Variants in MGAT4A observed in about 807,000 individuals in gnomAD.
MGAT4A encodes the protein N-acetylglucosaminyltransferase IVa.
MGAT4A carries 33 observed loss-of-function variants against 74.1 expected under a neutral mutation model. The ratio of observed to expected loss-of-function variants is 0.45; its 90% CI spans 0.34 to 0.60. The LOEUF is 0.60. Among genes scored for constraint, MGAT4A ranks in the 20% least tolerant of loss-of-function variants. MGAT4A has a pLI of 0.02. For synonymous variants in MGAT4A, 198 were observed against 210.4 expected (o/e 0.94, Z 0.51); for missense variants, 479 against 628.3 (o/e 0.76, Z 2.54).
chr2:98,661,217 A>G (rs1701744629), intron 5 of MGAT4A, among the ~76,000 whole-genome samples: 1 of 152,200 alleles, frequency 6.6e-6, no homozygotes. Context: ...AGATATCATC[A>G]CATCTGTCAG....
At position 98,726,129 on chromosome 2, in the gene MGAT4A, T is replaced by C. The variant is rs534570418; in HGVS notation, c.94+110A>G. On this transcript the variant is annotated intron_variant, in intron 2 of 15. Coordinates refer to ENST00000393487, the MANE Select transcript of MGAT4A (RefSeq NM_012214.3). ...ATATCAGAAAGAAACTGCCAGCAGA[T>C]AGCATGTAACATGCAGATTGCCAGG... 102 of 646,322 alleles carry C rather than the reference T, an allele frequency of 1.6e-4. 2 individuals are homozygous for C. In the South Asian group the frequency reaches 2.3e-3, roughly 14 times the overall value. 40.0% of individuals were successfully genotyped at this position (646,322 alleles called of 1,614,324 possible).
chr2:98,665,621 A>G (rs1553537568), intron 4 of MGAT4A, among the ~76,000 whole-genome samples: 3 of 152,258 alleles, frequency 2.0e-5, no homozygotes, highest in African/African-American at 2.4e-5. Context: ...ACAATGGTAA[A>G]TAACATAGGT....
intron 2 of MGAT4A, among the ~76,000 whole-genome samples, chr2:98,704,535 G>C (rs1157001900): frequency 6.6e-6 from 1 of 152,144 alleles, no homozygotes; most frequent in Non-Finnish European, 1.5e-5. Flanking sequence ...TTGAGCTCAG[G>C]AGCCCGAGGC....
At chr2:98,722,112 T>TA (rs1302157735) in intron 2 of MGAT4A, among the ~76,000 whole-genome samples, 4 of 152,138 alleles carry the variant, frequency 2.6e-5, no homozygotes, top group Non-Finnish European at 4.4e-5. Context: ...TTAAACATAA[T>TA]AGAGTTATGA....
chr2:98,717,289 G>GA (rs1191422662), intron 2 of MGAT4A, among the ~76,000 whole-genome samples: 1 of 151,814 alleles, frequency 6.6e-6, no homozygotes, highest in African/African-American at 2.4e-5. Flanking sequence ...CGAGATAGGA[G>GA]AATCGCTTGA....
At chr2:98,710,752 G>A (rs1187954557) in intron 2 of MGAT4A, among the ~76,000 whole-genome samples, 1 of 152,164 alleles carries the variant, frequency 6.6e-6, no homozygotes, top group East Asian at 1.9e-4. Context: ...GTGAGCTACT[G>A]TGCCCAGTAA....
intron 8 of MGAT4A, among the ~76,000 whole-genome samples, chr2:98,655,036 T>C (rs1701638024): frequency 6.6e-6 from 1 of 152,080 alleles, no homozygotes; most frequent in South Asian, 2.1e-4. Context: ...TTCAAAATAG[T>C]GGTAACAGTA....
chr2:98,668,577 G>T (rs1189120529), intron 4 of MGAT4A, among the ~76,000 whole-genome samples: 1 of 152,154 alleles, frequency 6.6e-6, no homozygotes, highest in African/African-American at 2.4e-5. Flanking sequence ...TGGGGTCAGA[G>T]CCCCCCCAGC....
rs1211331685 is a variant in MGAT4A at position 98,652,889 on chromosome 2, T to A, written c.774+2556A>T. Among the ~76,000 whole-genome samples the A allele has an allele frequency of 3.3e-5, 5 of 152,074 alleles. 1 individual carries two copies. The highest frequency in any genetic ancestry group is 1.2e-4 in the African/African-American group (5 of 41,408). The stretch of plus-strand genomic sequence containing the variant: ...ACCTGCCCACCTCAGCCTCCCAAAG[T>A]GTTGGGATTACAGGTGTGAGCCAGT... On this transcript the variant is annotated intron_variant, in intron 8 of 15. Transcript: ENST00000393487.
At chr2:98,685,695 A>G (rs1204570127) in intron 2 of MGAT4A, among the ~76,000 whole-genome samples, 1 of 152,202 alleles carries the variant, frequency 6.6e-6, no homozygotes, top group East Asian at 1.9e-4. Context: ...TACAAACGAG[A>G]CCAAGTATCT....
At chr2:98,656,313 A>G in intron 7 of MGAT4A, 39 bp downstream of exon 7, 2 of 1,285,938 alleles carry the variant, frequency 1.6e-6, no homozygotes. Flanking sequence ...AAATATTTAC[A>G]CTCACAAGTG....
intron 4 of MGAT4A, among the ~76,000 whole-genome samples, chr2:98,667,120 A>C (rs56049047): frequency 2.6e-5 from 4 of 151,968 alleles, no homozygotes; most frequent in South Asian, 2.1e-4. Context: ...TGCCATCCAC[A>C]TAAGATGTGA....
chr2:98,718,048 G>A (rs531763159), intron 2 of MGAT4A, among the ~76,000 whole-genome samples: 8 of 152,234 alleles, frequency 5.3e-5, no homozygotes, highest in Non-Finnish European at 7.4e-5. Context: ...AAAATGCTTC[G>A]TCTGGTGTTT....
chr2:98,625,459 T>A lies in MGAT4A; in HGVS notation c.*107A>T. The A allele has an allele frequency of 6.5e-7, 1 of 1,542,766 alleles. No homozygotes were observed. The stretch of plus-strand genomic sequence containing the variant: ...GAAATGACAATCGTCTTATCTACAG[T>A]AGACTTCACAAGAGGTAGTGTTCAA... On this transcript the variant is annotated 3_prime_UTR_variant, in exon 16 of 16. Coordinates refer to ENST00000393487, the MANE Select transcript of MGAT4A (RefSeq NM_012214.3).
At chr2:98,663,969 A>T (rs182682918) in intron 4 of MGAT4A, among the ~76,000 whole-genome samples, 33 of 152,222 alleles carry the variant, frequency 2.2e-4, no homozygotes, top group Non-Finnish European at 4.0e-4. Flanking sequence ...GCACTTTGGG[A>T]GGTACAGGTG....
rs116100519 is a variant in MGAT4A at position 98,659,510 on chromosome 2, C to T, written c.538-1246G>A. Among the ~76,000 whole-genome samples, 793 of 152,210 alleles carry T rather than the reference C, an allele frequency of 5.2e-3. 10 individuals carry two copies. The highest frequency in any genetic ancestry group is 0.018 in the African/African-American group (752 of 41,512). The stretch of plus-strand genomic sequence containing the variant: ...CCTATTGATATGGTTTGGCGTGTCC[C>T]CACCCAAGTCTCATCTCGAATTGTA... On this transcript the variant is annotated intron_variant, in intron 5 of 15. Coordinates refer to ENST00000393487, the MANE Select transcript of MGAT4A (RefSeq NM_012214.3).
chr2:98,677,968 C>T (rs1013387550), intron 3 of MGAT4A, among the ~76,000 whole-genome samples: 11 of 151,404 alleles, frequency 7.3e-5, no homozygotes, highest in Non-Finnish European at 1.0e-4. Flanking sequence ...CAGTGGCTCA[C>T]GCCTGTAATC....
In MGAT4A at chr2:98,678,318, A is replaced by G. The variant is rs561253988; in HGVS notation, c.248T>C (p.Leu83Ser). The G allele has an allele frequency of 1.4e-6, 2 of 1,406,614 alleles. No homozygotes were observed. The highest frequency in any genetic ancestry group is 1.9e-6 in the Non-Finnish European group (2 of 1,068,116). The allele number at this position is 1,406,614 out of a possible 1,614,324, so 87.1% of individuals were successfully genotyped here. The change falls in exon 3 of 16, where the codon TTG (leucine) becomes TCG (serine). Residue 83 changes from leucine (L) to serine (S), a missense_variant. Around this residue, in one of 3 missense-constraint regions of MGAT4A, gnomAD observed 205 missense variants for 232.7 expected, o/e 0.88. Coordinates refer to ENST00000393487, the MANE Select transcript of MGAT4A (RefSeq NM_012214.3). ...ACTGTTTGTACCTGAAAACTTATTC[A>G]ACGCATCCTTACTTCCATTTGTTTC... ...GAETNGSKDALNKFSDNTLKL... is the reference protein window; with the variant it reads ...GAETNGSKDASNKFSDNTLKL...
Position 98,726,574 on chromosome 2 carries a change from A to G in MGAT4A, c.-235-7T>C. The stretch of plus-strand genomic sequence containing the variant: ...GCCTCGGCCTTTTCCCTTCCTATTC[A>G]GGGGAAAAGAGAAAGTCAAGCTCAT... On this transcript the variant is annotated splice_polypyrimidine_tract_variant and splice_region_variant and intron_variant, in intron 1 of 15. Transcript: ENST00000393487. The G allele has an allele frequency of 2.4e-6, 1 of 411,214 alleles. No homozygotes were observed. The highest frequency in any genetic ancestry group is 4.3e-6 in the Non-Finnish European group (1 of 233,066). The allele number at this position is 411,214 out of a possible 1,614,324, so 25.5% of individuals were successfully genotyped here. A position where few individuals can be genotyped will look rare whatever the true frequency, so the allele number is the denominator to read the frequency against.
Sources: allele counts gnomAD v4.1 joint callset (sites outside exome capture counted in the v4.1 genomes callset), GRCh38; gene constraint gnomAD v4.1.1; regional missense constraint gnomAD v4.1.1; transcripts MANE v1.5; gene names NCBI Gene and HGNC (gene_info 2026-07-23, HGNC 2026-07-21).